ARHGAP24: variants seen among roughly 807,000 people sequenced by gnomAD.
ARHGAP24 encodes the protein rho GTPase-activating protein 24.
ARHGAP24 carries 50 observed loss-of-function variants against 76.4 expected under a neutral mutation model. The ratio of observed to expected loss-of-function variants is 0.65; its 90% CI spans 0.52 to 0.83. The LOEUF (loss-of-function observed/expected upper bound fraction) is 0.83. ARHGAP24 is among the 40% of genes least tolerant of loss of function. The probability of loss-of-function intolerance (pLI) is 0.00; values close to 1 mark genes in which losing one functional copy is unlikely to be tolerated. For missense variants in ARHGAP24, 930 were observed against 914.2 expected, an observed-to-expected ratio of 1.02 and a Z score of -0.22; for synonymous variants, 345 against 323.3, an observed-to-expected ratio of 1.07 and a Z score of -0.72.
Position 86,001,205 on chromosome 4 carries a change from T to C in ARHGAP24, c.*483T>C, listed in dbSNP as rs1741000305. The C allele has an allele frequency of 2.5e-6, 1 of 398,246 alleles. No homozygotes were observed. Among genetic ancestry groups the C allele is most frequent in the Non-Finnish European group, 4.4e-6 (1 of 225,842 alleles). 24.7% of individuals were successfully genotyped at this position (398,246 alleles called of 1,614,324 possible). On this transcript the variant is annotated 3_prime_UTR_variant, in exon 10 of 10. Transcript: ENST00000395184. ...TAAATATATATATAAATATATGAGT[T>C]ATTAAAATCAGAAGAATACTTTGTG...
chr4:85,915,114 C>G (rs1240504069), intron 3 of ARHGAP24, among the ~76,000 whole-genome samples: 2 of 152,146 alleles, frequency 1.3e-5, no homozygotes, highest in Non-Finnish European at 2.9e-5. Flanking sequence ...GAATCTCTGA[C>G]AAAAGTGGAA....
At chr4:85,722,881 T>C (rs765868539) in intron 3 of ARHGAP24, among the ~76,000 whole-genome samples, 30 of 152,204 alleles carry the variant, frequency 2.0e-4, no homozygotes, top group Non-Finnish European at 3.8e-4. Context: ...CCTATATTTA[T>C]ATTAAATGCT....
intron 4 of ARHGAP24, among the ~76,000 whole-genome samples, chr4:85,932,894 T>G (rs1439340264): frequency 6.6e-6 from 1 of 152,138 alleles, no homozygotes; most frequent in East Asian, 1.9e-4. Flanking sequence ...GCACGAGCGC[T>G]CAGCTGCTGC....
chr4:85,489,838 T>C (rs143391486), intron 1 of ARHGAP24, among the ~76,000 whole-genome samples: 17 of 152,294 alleles, frequency 1.1e-4, no homozygotes, highest in African/African-American at 3.4e-4. Flanking sequence ...AACTTACTTG[T>C]TTAGCAAGTA....
In ARHGAP24 at chr4:85,742,522, A is replaced by G. The variant is rs1725864201; in HGVS notation, c.268+20550A>G. 2.6e-5 allele frequency among the ~76,000 whole-genome samples: 4 copies of G among 152,246 alleles called. No individual in the cohort carries two copies. In the South Asian group the frequency reaches 6.2e-4, roughly 24 times the overall value. ...GGTGAAAAGTGTGTGTACTATATGT[A>G]TAGACGTATAGATTGACATATAGTG... On this transcript the variant is annotated intron_variant, in intron 3 of 9. Coordinates refer to ENST00000395184, the MANE Select transcript of ARHGAP24 (RefSeq NM_001025616.3).
intron 3 of ARHGAP24, among the ~76,000 whole-genome samples, chr4:85,787,673 A>G (rs1427503330): frequency 1.3e-5 from 2 of 152,222 alleles, no homozygotes; most frequent in Admixed American, 1.3e-4. Context: ...CAAATAATGC[A>G]GATATTAATA....
chr4:85,839,052 A>G (rs1008966678), intron 3 of ARHGAP24, among the ~76,000 whole-genome samples: 2 of 152,254 alleles, frequency 1.3e-5, no homozygotes, highest in South Asian at 4.1e-4. Context: ...CATCTAATAA[A>G]TGTTTGGCAC....
At chr4:85,932,606 G>C (rs775537996) in intron 4 of ARHGAP24, among the ~76,000 whole-genome samples, 1 of 152,170 alleles carries the variant, frequency 6.6e-6, no homozygotes, top group African/African-American at 2.4e-5. Flanking sequence ...ACACTGGGTA[G>C]GGCACAGCTT....
chr4:85,727,057 A>G (rs1725194948), intron 3 of ARHGAP24, among the ~76,000 whole-genome samples: 1 of 152,048 alleles, frequency 6.6e-6, no homozygotes, highest in Non-Finnish European at 1.5e-5. Flanking sequence ...TCAATAGAAT[A>G]TTAAAACACA....
chr4:85,944,385 T>C (rs1737126605), intron 5 of ARHGAP24, among the ~76,000 whole-genome samples: 1 of 152,250 alleles, frequency 6.6e-6, no homozygotes, highest in Non-Finnish European at 1.5e-5. Flanking sequence ...GAGAAGTGTC[T>C]GGTCATGTCC....
At chr4:85,547,277 C>G (rs909194724) in intron 1 of ARHGAP24, among the ~76,000 whole-genome samples, 5 of 152,114 alleles carry the variant, frequency 3.3e-5, no homozygotes, top group African/African-American at 1.2e-4. Context: ...TTTGAAAACA[C>G]GGCTAGCTAT....
chr4:85,575,418 C>T (rs1341430501), intron 2 of ARHGAP24, among the ~76,000 whole-genome samples: 2 of 152,134 alleles, frequency 1.3e-5, no homozygotes, highest in Non-Finnish European at 2.9e-5. Flanking sequence ...TTTTATCTTA[C>T]AAATTTCATT....
At chr4:85,656,952 T>A (rs1454843599) in intron 2 of ARHGAP24, among the ~76,000 whole-genome samples, 1 of 123,458 alleles carries the variant, frequency 8.1e-6, no homozygotes, top group Non-Finnish European at 1.6e-5. Context: ...TAAGCTGCTT[T>A]AAAAAAAATG....
chr4:85,928,801 G>A (rs1736159983), intron 4 of ARHGAP24, among the ~76,000 whole-genome samples: 1 of 152,134 alleles, frequency 6.6e-6, no homozygotes, highest in Admixed American at 6.6e-5. Context: ...CCTAATGTTA[G>A]CTACTGCCAA....
chr4:85,848,666 G>T (rs1212449745), intron 3 of ARHGAP24, among the ~76,000 whole-genome samples: 5 of 152,134 alleles, frequency 3.3e-5, no homozygotes, highest in African/African-American at 1.2e-4. Flanking sequence ...CTACATAATG[G>T]CTAGCCAGTT....
rs558936514 is a variant in ARHGAP24, at chr4:85,660,050, G to T, written c.181-61835G>T. 1.3e-5 allele frequency among the ~76,000 whole-genome samples: 2 copies of T among 152,216 alleles called. 1 individual carries two copies. Among genetic ancestry groups the T allele is most frequent in the South Asian group, 4.1e-4 (2 of 4,826 alleles). ...CCCTTATCACTTCTCATCTAAACTC[G>T]GTGGGTTATGTGGAAAAAACGGCAT... On this transcript the variant is annotated intron_variant, in intron 2 of 9. Transcript: ENST00000395184.
rs144906568 is a variant in ARHGAP24 at position 85,648,599 on chromosome 4, A to G, written c.181-73286A>G. ...AAAGCAATCAAGTCAAAGATGTAAT[A>G]TTGCCATTTATCATCACAAATCATA... On this transcript the variant is annotated intron_variant, in intron 2 of 9. Transcript: ENST00000395184. Among the ~76,000 whole-genome samples, 492 of 152,220 alleles carry G rather than the reference A, an allele frequency of 3.2e-3. 2 individuals are homozygous for G. The highest frequency in any genetic ancestry group is 5.3e-3 in the Admixed American group (81 of 15,252).
chr4:85,895,799 A>G (rs908999399), intron 3 of ARHGAP24, among the ~76,000 whole-genome samples: 6 of 152,164 alleles, frequency 3.9e-5, no homozygotes, highest in Non-Finnish European at 7.3e-5. Context: ...CTTCAGTGCT[A>G]TTAGTGTTAG....
chr4:85,631,287 A>T (rs988550929), intron 2 of ARHGAP24, among the ~76,000 whole-genome samples: 1 of 152,130 alleles, frequency 6.6e-6, no homozygotes, highest in Non-Finnish European at 1.5e-5. Flanking sequence ...TCTATGTTTT[A>T]CAATATCTGT....
Sources: gnomAD v4.1 joint callset for allele counts (sites outside exome capture counted in the v4.1 genomes callset) on GRCh38, gnomAD v4.1.1 for gene constraint, MANE v1.5 for transcripts, NCBI Gene and HGNC (gene_info 2026-07-23, HGNC 2026-07-21) for gene names.